SCMH1: variants seen among roughly 807,000 people sequenced by gnomAD.
SCMH1 encodes polycomb protein SCMH1.
In SCMH1, 37 loss-of-function variants were observed where a neutral mutation model predicts 70.8. The ratio of observed to expected loss-of-function variants is 0.52; its 90% confidence interval spans 0.40 to 0.69. The LOEUF is 0.69. Ranked by LOEUF, SCMH1 falls within the 30% of genes least tolerant of loss-of-function variation. SCMH1 has a pLI of 0.00. For missense variants in SCMH1, 607 were observed against 827.3 expected (o/e 0.73, Z 3.27); for synonymous variants, 292 against 307.4 (o/e 0.95, Z 0.52).
At chr1:41,124,788 G>C (rs1672780794) in intron 6 of SCMH1, among the ~76,000 whole-genome samples, 1 of 151,972 alleles carries the variant, frequency 6.6e-6, no homozygotes, top group East Asian at 1.9e-4. Context: ...AGTGATGGGG[G>C]ACTTGCTATA....
At chr1:41,089,725 T>C (rs1662769986) in intron 8 of SCMH1, among the ~76,000 whole-genome samples, 1 of 150,966 alleles carries the variant, frequency 6.6e-6, no homozygotes, top group Non-Finnish European at 1.5e-5. Context: ...TGATTCCTCA[T>C]TATTTTTCTG....
At chr1:41,172,923 G>A (rs1489600608) in intron 2 of SCMH1, among the ~76,000 whole-genome samples, 1 of 151,974 alleles carries the variant, frequency 6.6e-6, no homozygotes, top group Non-Finnish European at 1.5e-5. Flanking sequence ...CTCTCATCAT[G>A]TACAAAAATC....
rs1202654809 is a variant in SCMH1 at position 41,028,781 on chromosome 1, C to T, written c.1679-55G>A. On this transcript the variant is annotated intron_variant, in intron 13 of 14. Transcript: ENST00000337495. ...GGGCGGGGACTGGTTTGTAAATCCC[C>T]ACCACTCTCCTTGGCACATCTCAGT... 6.3e-6 allele frequency: 10 copies of T among 1,590,932 alleles called. No individual in the cohort carries two copies. In the East Asian group the frequency reaches 2.0e-4, roughly 32 times the overall value.
chr1:41,076,683 C>T (rs1247803052), intron 8 of SCMH1, among the ~76,000 whole-genome samples: 2 of 152,040 alleles, frequency 1.3e-5, no homozygotes, highest in African/African-American at 4.8e-5. Context: ...AGGCACAATG[C>T]CTTATGAAGA....
At chr1:41,197,189 C>G (rs1283261268) in intron 1 of SCMH1, among the ~76,000 whole-genome samples, 1 of 152,046 alleles carries the variant, frequency 6.6e-6, no homozygotes, top group African/African-American at 2.4e-5. Context: ...CAATTCTACC[C>G]CTAGTTATAT....
chr1:41,179,060 A>T (rs372143333), intron 2 of SCMH1, among the ~76,000 whole-genome samples: 3 of 152,280 alleles, frequency 2.0e-5, no homozygotes, highest in African/African-American at 7.2e-5. Flanking sequence ...GCAATCAAAC[A>T]AGAACTCAGG....
intron 6 of SCMH1, among the ~76,000 whole-genome samples, chr1:41,139,016 T>C (rs571471398): frequency 6.6e-6 from 1 of 152,320 alleles, no homozygotes; most frequent in African/African-American, 2.4e-5. Flanking sequence ...CTGTTTAAGG[T>C]AGGATGAGAA....
At chr1:41,124,722 GCAA>G (rs1343378496) in intron 6 of SCMH1, among the ~76,000 whole-genome samples, 1 of 151,738 alleles carries the variant, frequency 6.6e-6, no homozygotes, top group Non-Finnish European at 1.5e-5. Context: ...ATCCCCCTGA[GCAA>G]CTAGGACTAA....
chr1:41,134,361 T>C (rs1039942098), intron 6 of SCMH1, among the ~76,000 whole-genome samples: 2 of 152,208 alleles, frequency 1.3e-5, no homozygotes, highest in African/African-American at 2.4e-5. Context: ...GCATTCCCTT[T>C]CAAAACTGGC....
chr1:41,134,412 T>C (rs1642928034), intron 6 of SCMH1, among the ~76,000 whole-genome samples: 1 of 152,136 alleles, frequency 6.6e-6, no homozygotes, highest in Non-Finnish European at 1.5e-5. Context: ...CTATTCAACG[T>C]AGTATTAGAA....
At chr1:41,155,984 C>CAA (rs386366781) in intron 4 of SCMH1, among the ~76,000 whole-genome samples, 99 of 74,382 alleles carry the variant, frequency 1.3e-3, no homozygotes, top group Non-Finnish European at 1.8e-3. Context: ...GACTCCGTCT[C>CAA]AAAAAAAAAA....
chr1:41,204,453 A>G (rs557711302), intron 1 of SCMH1, among the ~76,000 whole-genome samples: 1 of 152,298 alleles, frequency 6.6e-6, no homozygotes, highest in East Asian at 1.9e-4. Flanking sequence ...ATAGTCCTGC[A>G]TGATCTGACC....
chr1:41,132,661 G>C (rs1035057217), intron 6 of SCMH1, among the ~76,000 whole-genome samples: 10 of 152,242 alleles, frequency 6.6e-5, no homozygotes, highest in African/African-American at 2.4e-4. Context: ...TTTTCTTCTA[G>C]GGCTTTTACA....
chr1:41,083,829 A>T (rs1408228284), intron 8 of SCMH1, among the ~76,000 whole-genome samples: 4 of 152,184 alleles, frequency 2.6e-5, no homozygotes, highest in Non-Finnish European at 5.9e-5. Flanking sequence ...CCGCATATCT[A>T]CACCTATCTG....
At chr1:41,167,645 T>A (rs1646495241) in intron 2 of SCMH1, among the ~76,000 whole-genome samples, 1 of 152,182 alleles carries the variant, frequency 6.6e-6, no homozygotes, top group South Asian at 2.1e-4. Flanking sequence ...GTTGTCCAAT[T>A]TGTTGGCTTA....
intron 8 of SCMH1, among the ~76,000 whole-genome samples, chr1:41,087,272 G>A (rs1661991417): frequency 6.6e-6 from 1 of 151,958 alleles, no homozygotes; most frequent in Non-Finnish European, 1.5e-5. Flanking sequence ...CAATATATAA[G>A]TACTAGAGGA....
intron 2 of SCMH1, among the ~76,000 whole-genome samples, chr1:41,181,340 T>A (rs551637879): frequency 3.0e-4 from 45 of 152,136 alleles, no homozygotes; most frequent in Non-Finnish European, 5.4e-4. Context: ...AAGCCAAAAT[T>A]GACAAATGGG....
chr1:41,093,073 CAT>C (rs1313264741), intron 8 of SCMH1, among the ~76,000 whole-genome samples: 40 of 152,018 alleles, frequency 2.6e-4, no homozygotes, highest in Non-Finnish European at 4.4e-4. Flanking sequence ...CACACGCACA[CAT>C]ATGTTTATTG....
chr1:41,155,459 A>AAAAC (rs138222770), intron 4 of SCMH1, among the ~76,000 whole-genome samples: 3,544 of 151,586 alleles, frequency 0.023, 60 homozygotes, highest in East Asian at 0.095. Flanking sequence ...ACATGGAGCA[A>AAAAC]AAACAAACAA....
Sources: allele counts gnomAD v4.1 joint callset (sites outside exome capture counted in the v4.1 genomes callset), GRCh38; gene constraint gnomAD v4.1.1; transcripts MANE v1.5; gene names NCBI Gene and HGNC (gene_info 2026-07-23, HGNC 2026-07-21).